Variants in DCC observed in about 807,000 individuals in gnomAD.
DCC encodes the protein DCC netrin 1 receptor, also known as netrin receptor DCC.
Under a neutral mutation model 172.5 loss-of-function variants are expected in DCC, and 58 were observed. The observed-to-expected ratio is 0.34, with a 90% CI of 0.27 to 0.42. DCC has a LOEUF of 0.42. DCC is among the 10% of genes least tolerant of loss of function. The probability of loss-of-function intolerance (pLI) is 1.00; values close to 1 mark genes in which losing one functional copy is unlikely to be tolerated. For missense variants in DCC, 1,740 were observed against 1,791.0 expected (o/e 0.97, Z 0.51); for synonymous variants, 709 against 644.5 (o/e 1.10, Z -1.52).
intron 27 of DCC, among the ~76,000 whole-genome samples, chr18:53,515,388 C>G (rs1472635021): frequency 1.3e-5 from 2 of 150,858 alleles, no homozygotes; most frequent in Admixed American, 1.3e-4. Flanking sequence ...AAAACTGGTA[C>G]AAGACAGGGA....
At chr18:52,450,665 A>G (rs1201760263) in intron 1 of DCC, among the ~76,000 whole-genome samples, 2 of 152,184 alleles carry the variant, frequency 1.3e-5, no homozygotes, top group Admixed American at 6.5e-5. Flanking sequence ...AGCCTCAGGA[A>G]GATAGAACTT....
At chr18:52,661,209 T>G (rs946645631) in intron 1 of DCC, among the ~76,000 whole-genome samples, 1 of 152,096 alleles carries the variant, frequency 6.6e-6, no homozygotes, top group African/African-American at 2.4e-5. Context: ...ACACAAGAAT[T>G]GAGGCAATGG....
intron 1 of DCC, among the ~76,000 whole-genome samples, chr18:52,499,425 C>T (rs922594527): frequency 6.6e-6 from 1 of 152,142 alleles, no homozygotes; most frequent in Admixed American, 6.6e-5. Context: ...AAGAGCCAGT[C>T]CTCTGTAGTA....
At chr18:52,607,505 A>C (rs2034159538) in intron 1 of DCC, among the ~76,000 whole-genome samples, 1 of 152,168 alleles carries the variant, frequency 6.6e-6, no homozygotes, top group African/African-American at 2.4e-5. Flanking sequence ...AATGCTATCT[A>C]TTTGACTGTC....
chr18:52,961,950 C>T (rs1390587823), intron 5 of DCC, among the ~76,000 whole-genome samples: 3 of 151,718 alleles, frequency 2.0e-5, no homozygotes, highest in Admixed American at 2.0e-4. Context: ...CTTATACAAA[C>T]ATTAATTCAA....
chr18:53,164,648 T>G (rs893385022), intron 8 of DCC, among the ~76,000 whole-genome samples: 4 of 152,178 alleles, frequency 2.6e-5, no homozygotes, highest in Non-Finnish European at 5.9e-5. Flanking sequence ...AAGGTTGTGA[T>G]GAGTATTACA....
intron 1 of DCC, among the ~76,000 whole-genome samples, chr18:52,399,255 A>G (rs1334168438): frequency 1.3e-5 from 2 of 151,946 alleles, no homozygotes; most frequent in African/African-American, 4.8e-5. Flanking sequence ...GTTGAGTATC[A>G]GGGACAGCTT....
At chr18:52,536,391 T>G (rs2144693409) in intron 1 of DCC, among the ~76,000 whole-genome samples, 1 of 151,772 alleles carries the variant, frequency 6.6e-6, no homozygotes, top group South Asian at 2.1e-4. Flanking sequence ...TCGGTGCAAC[T>G]TTCTAATTTC....
chr18:53,440,537 T>G (rs955816600), intron 22 of DCC, among the ~76,000 whole-genome samples: 1 of 151,954 alleles, frequency 6.6e-6, no homozygotes, highest in Non-Finnish European at 1.5e-5. Context: ...TTTTAACCAA[T>G]GTAAATAAAG....
chr18:52,418,803 A>G (rs1055266659), intron 1 of DCC, among the ~76,000 whole-genome samples: 2 of 151,684 alleles, frequency 1.3e-5, no homozygotes, highest in South Asian at 2.1e-4. Flanking sequence ...TCCTGTTATT[A>G]TCTAGTGAAA....
chr18:52,560,289 T>A (rs1237804944), intron 1 of DCC, among the ~76,000 whole-genome samples: 2 of 152,226 alleles, frequency 1.3e-5, no homozygotes, highest in African/African-American at 4.8e-5. Context: ...TTATGGACAC[T>A]GAAATCTGGA....
chr18:52,497,117 C>T (rs937875929), intron 1 of DCC, among the ~76,000 whole-genome samples: 4 of 150,702 alleles, frequency 2.7e-5, no homozygotes, highest in Non-Finnish European at 4.4e-5. Flanking sequence ...AATAATTAGC[C>T]GGGCCTGGTG....
chr18:52,824,956 C>T lies in DCC; in HGVS notation c.412+72582C>T, dbSNP rs187002705. ...CTGCACCCTAGCCTGGGCAACAGAG[C>T]GAGACTCCCTCATATATATATATAT... On this transcript the variant is annotated intron_variant, in intron 2 of 28. Transcript: ENST00000442544. 1.1e-3 allele frequency among the ~76,000 whole-genome samples: 161 copies of T among 142,156 alleles called. 1 individual carries two copies. In the South Asian group the frequency reaches 0.016, roughly 14 times the overall value. 93.3% of individuals were successfully genotyped at this position (142,156 alleles called of 152,430 possible).
chr18:53,467,868 G>A (rs1452915492), intron 24 of DCC, 26 bp from the exon 25 acceptor site: 1 of 1,157,672 alleles, frequency 8.6e-7, no homozygotes, highest in Admixed American at 1.7e-5. Flanking sequence ...AAGAGGGCAT[G>A]TTTCTCAGGA....
At chr18:53,138,206 G>GT (rs1412530911) in intron 7 of DCC, among the ~76,000 whole-genome samples, 1 of 151,916 alleles carries the variant, frequency 6.6e-6, no homozygotes, top group Non-Finnish European at 1.5e-5. Flanking sequence ...CTATTGTGTC[G>GT]TCAGGGATGT....
At chr18:52,710,403 G>A (rs2036275360) in intron 1 of DCC, among the ~76,000 whole-genome samples, 1 of 152,132 alleles carries the variant, frequency 6.6e-6, no homozygotes, top group Non-Finnish European at 1.5e-5. Flanking sequence ...AAAAATATAT[G>A]AATGATGTAA....
At chr18:53,458,377 G>A (rs2045508824) in intron 23 of DCC, among the ~76,000 whole-genome samples, 1 of 152,174 alleles carries the variant, frequency 6.6e-6, no homozygotes, top group Non-Finnish European at 1.5e-5. Context: ...GCTTGGCCAT[G>A]TTCCAATAAA....
At chr18:53,333,529 G>A (rs1024636879) in intron 14 of DCC, among the ~76,000 whole-genome samples, 4 of 152,198 alleles carry the variant, frequency 2.6e-5, no homozygotes, top group Non-Finnish European at 5.9e-5. Context: ...ATCTGGCACA[G>A]ACAAATCTTG....
At chr18:53,361,280 T>C (rs921050719) in intron 15 of DCC, among the ~76,000 whole-genome samples, 9 of 152,144 alleles carry the variant, frequency 5.9e-5, no homozygotes, top group Admixed American at 1.3e-4. Flanking sequence ...CGATTTTTGT[T>C]GTTTAAGTTT....
Sources: gnomAD v4.1 joint callset for allele counts (sites outside exome capture counted in the v4.1 genomes callset) on GRCh38, gnomAD v4.1.1 for gene constraint, MANE v1.5 for transcripts, NCBI Gene and HGNC (gene_info 2026-07-23, HGNC 2026-07-21) for gene names.